Variants in GRIK2 observed in about 807,000 individuals in gnomAD.
GRIK2 encodes the protein glutamate receptor ionotropic, kainate 2.
In GRIK2, 32 loss-of-function variants were observed where a neutral mutation model predicts 100.3. That is an observed-to-expected ratio of 0.32 (90% CI 0.24 to 0.43). The LOEUF (loss-of-function observed/expected upper bound fraction) is 0.43, where lower values mean the gene tolerates loss of function less well. Among genes scored for constraint, GRIK2 ranks in the 20% least tolerant of loss-of-function variants. The pLI is 1.00. For missense variants in GRIK2, 843 were observed against 1,114.9 expected (o/e 0.76, Z 3.47); for synonymous variants, 417 against 389.4 (o/e 1.07, Z -0.83).
chr6:101,896,752 T>C (rs894449388), intron 12 of GRIK2, among the ~76,000 whole-genome samples: 1 of 151,704 alleles, frequency 6.6e-6, no homozygotes, highest in African/African-American at 2.4e-5. Flanking sequence ...TGGAAAAATA[T>C]CTTGGCCAAT....
At chr6:101,632,812 G>C (rs745986103) in intron 4 of GRIK2, among the ~76,000 whole-genome samples, 1 of 152,154 alleles carries the variant, frequency 6.6e-6, no homozygotes, top group Admixed American at 6.6e-5. Flanking sequence ...AGTGTAACAA[G>C]TGCACAGAGA....
intron 2 of GRIK2, among the ~76,000 whole-genome samples, chr6:101,615,761 A>C (rs541231553): frequency 3.9e-5 from 6 of 151,902 alleles, no homozygotes; most frequent in Non-Finnish European, 1.5e-5. Flanking sequence ...GTTTAAAATC[A>C]TGTGAACAAT....
Position 101,565,135 on chromosome 6 carries a change from C to G in GRIK2, c.116-56814C>G, listed in dbSNP as rs1284174577. 3.3e-5 allele frequency among the ~76,000 whole-genome samples: 5 copies of G among 152,064 alleles called. No homozygotes were observed. The East Asian group carries it at 9.6e-4, about 29-fold the overall frequency. ...CAAACAGAACACATTCCATTTCGGT[C>G]TGAAACATCTGCACTTGATTTACCT... On this transcript the variant is annotated intron_variant, in intron 2 of 16. Transcript: ENST00000369134.
chr6:101,578,468 A>T (rs1032767691), intron 2 of GRIK2, among the ~76,000 whole-genome samples: 1 of 152,154 alleles, frequency 6.6e-6, no homozygotes, highest in African/African-American at 2.4e-5. Context: ...ACCAGCTTAG[A>T]TTGGTATGTG....
rs748204672 is a variant in GRIK2, at chr6:101,802,321, A to T, written c.1096-10A>T. On this transcript the variant is annotated splice_polypyrimidine_tract_variant and intron_variant, in intron 8 of 16. Transcript: ENST00000369134. ...ACTTATTTATTATCAATGTTTTTCT[A>T]TTCCCATAGGCACATTGGGAAGGCC... 14 of 1,206,548 alleles carry T rather than the reference A, an allele frequency of 1.2e-5. No homozygotes were observed. The South Asian group carries it at 2.0e-4, about 17-fold the overall frequency. 74.7% of individuals were successfully genotyped at this position (1,206,548 alleles called of 1,614,324 possible).
At chr6:101,722,975 T>C (rs1774594414) in intron 7 of GRIK2, among the ~76,000 whole-genome samples, 1 of 152,054 alleles carries the variant, frequency 6.6e-6, no homozygotes, top group African/African-American at 2.4e-5. Context: ...CTGCCCATTT[T>C]AAAAACATCA....
chr6:101,506,579 A>C (rs1774036228), intron 2 of GRIK2, among the ~76,000 whole-genome samples: 1 of 152,166 alleles, frequency 6.6e-6, no homozygotes, highest in South Asian at 2.1e-4. Context: ...CATGAAAATG[A>C]AATTAAAATG....
chr6:102,010,699 A>G (rs1443499776), intron 14 of GRIK2, among the ~76,000 whole-genome samples: 6 of 143,608 alleles, frequency 4.2e-5, no homozygotes, highest in Non-Finnish European at 7.6e-5. Flanking sequence ...CTTCTTCTTA[A>G]CCCATAACAA....
intron 2 of GRIK2, among the ~76,000 whole-genome samples, chr6:101,458,472 C>T (rs987708743): frequency 1.3e-5 from 2 of 152,200 alleles, no homozygotes; most frequent in Non-Finnish European, 2.9e-5. Flanking sequence ...TGGCTGCTGG[C>T]CCAGGGCTGG....
At chr6:101,589,925 G>A (rs951281730) in intron 2 of GRIK2, among the ~76,000 whole-genome samples, 3 of 151,966 alleles carry the variant, frequency 2.0e-5, no homozygotes, top group African/African-American at 4.8e-5. Context: ...CTACTTGAAG[G>A]GGAAACTAAT....
rs917850659 is a variant in GRIK2, at chr6:101,732,506, C to A, written c.951+46153C>A. On this transcript the variant is annotated intron_variant, in intron 7 of 16. Transcript: ENST00000369134. ...CAATATATATCTTTATTTCATGGTTCATTTTTATAAAACTCGATTACAAAT... is the reference window on the plus strand; with the variant it reads ...CAATATATATCTTTATTTCATGGTTAATTTTTATAAAACTCGATTACAAAT... Among the ~76,000 whole-genome samples the A allele has an allele frequency of 9.9e-5, 15 of 152,016 alleles. No homozygotes were observed. The South Asian group carries it at 2.9e-3, about 29-fold the overall frequency.
At chr6:101,652,262 G>A (rs767378992) in intron 4 of GRIK2, among the ~76,000 whole-genome samples, 2 of 152,082 alleles carry the variant, frequency 1.3e-5, no homozygotes, top group Non-Finnish European at 2.9e-5. Context: ...AGGTCATGAA[G>A]GTGGAGCCCT....
chr6:101,877,740 T>A (rs1785957239), intron 11 of GRIK2, among the ~76,000 whole-genome samples: 2 of 152,032 alleles, frequency 1.3e-5, no homozygotes, highest in Non-Finnish European at 1.5e-5. Flanking sequence ...AGCAAGGAAC[T>A]GATACATCTA....
At chr6:101,794,979 C>A (rs1439529545) in intron 7 of GRIK2, among the ~76,000 whole-genome samples, 3 of 151,794 alleles carry the variant, frequency 2.0e-5, no homozygotes, top group African/African-American at 7.3e-5. Context: ...CATTCTCCTG[C>A]CTTAGCCTCA....
At chr6:101,428,183 T>C (rs1010159787) in intron 2 of GRIK2, among the ~76,000 whole-genome samples, 8 of 152,198 alleles carry the variant, frequency 5.3e-5, no homozygotes, top group Non-Finnish European at 1.0e-4. Flanking sequence ...ATGAAACACG[T>C]TAAAAATAAA....
intron 7 of GRIK2, among the ~76,000 whole-genome samples, chr6:101,694,745 T>G (rs192569956): frequency 3.7e-4 from 57 of 152,062 alleles, no homozygotes; most frequent in African/African-American, 1.3e-3. Context: ...AACTAAACTA[T>G]ATGTTGTATT....
intron 14 of GRIK2, among the ~76,000 whole-genome samples, chr6:102,012,157 T>G (rs907748436): frequency 3.3e-5 from 5 of 152,164 alleles, no homozygotes; most frequent in African/African-American, 1.2e-4. Flanking sequence ...GTGACTATAT[T>G]TATGTTGGCA....
chr6:101,921,336 T>C (rs1019472191), intron 12 of GRIK2, among the ~76,000 whole-genome samples: 1 of 152,042 alleles, frequency 6.6e-6, no homozygotes, highest in Admixed American at 6.6e-5. Context: ...GAGTCTACTG[T>C]CAGGACAGTG....
At chr6:101,675,441 A>G (rs1277468223) in intron 4 of GRIK2, among the ~76,000 whole-genome samples, 1 of 152,214 alleles carries the variant, frequency 6.6e-6, no homozygotes, top group Non-Finnish European at 1.5e-5. Context: ...GAAAATAGAA[A>G]TAGATACTAG....
Sources: gnomAD v4.1 joint callset for allele counts (sites outside exome capture counted in the v4.1 genomes callset) on GRCh38, gnomAD v4.1.1 for gene constraint, MANE v1.5 for transcripts, NCBI Gene and HGNC (gene_info 2026-07-23, HGNC 2026-07-21) for gene names.